Variants in WWOX observed in about 807,000 individuals in gnomAD.
WWOX encodes WW domain containing oxidoreductase.
WWOX carries 69 observed loss-of-function variants against 46.2 expected under a neutral mutation model. The ratio of observed to expected loss-of-function variants is 1.49; its 90% CI spans 1.23 to 1.82. The LOEUF is 1.82. WWOX is among the 40% of genes most tolerant of loss of function. The pLI is 0.00. For missense variants in WWOX, 919 were observed against 542.6 expected, an observed-to-expected ratio of 1.69 and a Z score of -6.89; for synonymous variants, 359 against 202.6, an observed-to-expected ratio of 1.77 and a Z score of -6.56.
At chr16:78,826,445 A>C (rs1017629014) in intron 8 of WWOX, among the ~76,000 whole-genome samples, 2 of 152,206 alleles carry the variant, frequency 1.3e-5, no homozygotes, top group African/African-American at 4.8e-5. Flanking sequence ...CTAGCTAAGA[A>C]TCTGTTCCTT....
intron 8 of WWOX, among the ~76,000 whole-genome samples, chr16:78,499,206 C>T (rs968340774): frequency 3.3e-5 from 5 of 151,660 alleles, no homozygotes; most frequent in Non-Finnish European, 7.4e-5. Context: ...CTGGCCCTAG[C>T]TCAGTGAGAT....
chr16:78,228,293 TCTC>T (rs144826247), intron 5 of WWOX, among the ~76,000 whole-genome samples: 2,690 of 151,974 alleles, frequency 0.018, 87 homozygotes, highest in African/African-American at 0.061. Context: ...AAACAATTTT[TCTC>T]CTCAGTAGAC....
At chr16:78,687,601 A>C (rs2047892401) in intron 8 of WWOX, among the ~76,000 whole-genome samples, 1 of 55,814 alleles carries the variant, frequency 1.8e-5, no homozygotes, top group Admixed American at 3.0e-4. Context: ...GACCCCAATA[A>C]ACATATTTTC....
intron 8 of WWOX, among the ~76,000 whole-genome samples, chr16:78,654,757 A>C (rs1219484525): frequency 6.6e-6 from 1 of 151,816 alleles, no homozygotes; most frequent in Non-Finnish European, 1.5e-5. Flanking sequence ...CTTAACCTAC[A>C]TCCTAATTAT....
At chr16:79,144,619 T>C (rs993909698) in intron 8 of WWOX, among the ~76,000 whole-genome samples, 9 of 152,212 alleles carry the variant, frequency 5.9e-5, no homozygotes, top group African/African-American at 2.2e-4. Flanking sequence ...GGAATATTTC[T>C]TAGGGAGGAA....
chr16:78,635,261 T>C (rs1434522422), intron 8 of WWOX, among the ~76,000 whole-genome samples: 1 of 152,140 alleles, frequency 6.6e-6, no homozygotes, highest in Non-Finnish European at 1.5e-5. Context: ...AAACCTTAAG[T>C]ATTTTGCCTG....
intron 5 of WWOX, among the ~76,000 whole-genome samples, chr16:78,317,279 C>A (rs1235130110): frequency 6.6e-6 from 1 of 152,162 alleles, no homozygotes; most frequent in Non-Finnish European, 1.5e-5. Flanking sequence ...CTCTCTCTCT[C>A]TGTCTGTCTC....
At chr16:78,206,219 G>A (rs1296377777) in intron 5 of WWOX, among the ~76,000 whole-genome samples, 1 of 152,042 alleles carries the variant, frequency 6.6e-6, no homozygotes, top group African/African-American at 2.4e-5. Context: ...ATTCTTTGAA[G>A]TTATTGGTGG....
chr16:79,204,368 C>G (rs562668005), intron 8 of WWOX: 2 of 152,204 alleles, frequency 1.3e-5, no homozygotes, highest in East Asian at 1.9e-4. Context: ...TGTAATGACC[C>G]ACATGGATTG....
chr16:78,715,574 C>G (rs2048542328), intron 8 of WWOX, among the ~76,000 whole-genome samples: 1 of 151,844 alleles, frequency 6.6e-6, no homozygotes, highest in Non-Finnish European at 1.5e-5. Flanking sequence ...ACCTCCGCCT[C>G]TTGGGTTCAA....
At chr16:78,595,983 GA>G (rs1446970444) in intron 8 of WWOX, among the ~76,000 whole-genome samples, 2 of 152,116 alleles carry the variant, frequency 1.3e-5, no homozygotes, top group Non-Finnish European at 2.9e-5. Flanking sequence ...ATTCAAAGGG[GA>G]TAAGACATAT....
chr16:79,158,584 C>G (rs1180038793), intron 8 of WWOX, among the ~76,000 whole-genome samples: 1 of 152,240 alleles, frequency 6.6e-6, no homozygotes, highest in Non-Finnish European at 1.5e-5. Flanking sequence ...CCTGTTCTTT[C>G]AATTCCTTGA....
intron 8 of WWOX, among the ~76,000 whole-genome samples, chr16:78,999,527 C>T (rs138429481): frequency 2.0e-5 from 3 of 152,260 alleles, no homozygotes; most frequent in Admixed American, 6.5e-5. Context: ...AAATGATCTG[C>T]ATGGAGGAAA....
intron 8 of WWOX, among the ~76,000 whole-genome samples, chr16:79,100,699 G>T (rs1242457435): frequency 6.6e-6 from 1 of 152,086 alleles, no homozygotes; most frequent in African/African-American, 2.4e-5. Flanking sequence ...TCAGCCTAAG[G>T]GGGTGCTTCA....
At chr16:78,769,654 G>A (rs914142832) in intron 8 of WWOX, among the ~76,000 whole-genome samples, 1 of 150,658 alleles carries the variant, frequency 6.6e-6, no homozygotes, top group African/African-American at 2.4e-5. Flanking sequence ...ATTTTAACAG[G>A]GAAGATTTAA....
intron 8 of WWOX, among the ~76,000 whole-genome samples, chr16:78,765,926 G>C (rs989502575): frequency 7.2e-4 from 109 of 152,218 alleles, no homozygotes; most frequent in African/African-American, 2.6e-3. Context: ...TTGGTGTGAG[G>C]AGTGAGGGGT....
intron 8 of WWOX, among the ~76,000 whole-genome samples, chr16:78,504,316 A>G (rs930757397): frequency 1.3e-5 from 2 of 152,206 alleles, no homozygotes; most frequent in Non-Finnish European, 2.9e-5. Flanking sequence ...ACTAAAGAAG[A>G]TTGTTTTTCT....
intron 8 of WWOX, among the ~76,000 whole-genome samples, chr16:79,066,389 G>T (rs901811480): frequency 1.3e-5 from 2 of 152,168 alleles, no homozygotes; most frequent in South Asian, 2.1e-4. Context: ...GGCTGGGAAG[G>T]AATCTGCCTT....
chr16:78,904,733 C>T (rs568754327), intron 8 of WWOX, among the ~76,000 whole-genome samples: 1 of 152,242 alleles, frequency 6.6e-6, no homozygotes, highest in South Asian at 2.1e-4. Flanking sequence ...TATCTGGTCA[C>T]CCTATCTATG....
Sources: gnomAD v4.1 joint callset for allele counts (sites outside exome capture counted in the v4.1 genomes callset) on GRCh38, gnomAD v4.1.1 for gene constraint, MANE v1.5 for transcripts, NCBI Gene and HGNC (gene_info 2026-07-23, HGNC 2026-07-21) for gene names.